The following SPRR2B variants were observed in gnomAD, a reference collection of about 807,000 sequenced individuals.
SPRR2B encodes the protein small proline rich protein 2B.
Under a neutral mutation model 1.0 loss-of-function variants are expected in SPRR2B, and 1 was observed. The ratio of observed to expected loss-of-function variants is 1.01; its 90% confidence interval spans 0.36 to 4.77. SPRR2B has a LOEUF of 4.77. Ranked by LOEUF, SPRR2B falls within the 30% of genes most tolerant of loss-of-function variation. The probability of loss-of-function intolerance (pLI) is 0.16; values close to 1 mark genes in which losing one functional copy is unlikely to be tolerated. For missense variants in SPRR2B, 53 were observed against 88.7 expected, an observed-to-expected ratio of 0.60 and a Z score of 1.62; for synonymous variants, 27 against 33.4, an observed-to-expected ratio of 0.81 and a Z score of 0.66.
At chr1:153,075,204 G>A (rs147765800), upstream of SPRR2B, among the ~76,000 whole-genome samples, 42 of 152,110 alleles carry the variant, frequency 2.8e-4, no homozygotes, top group East Asian at 6.2e-3. Context: ...TTAGCCAGGC[G>A]TGATTGCAGG....
intron 1 of SPRR2B, among the ~76,000 whole-genome samples, chr1:153,071,130 T>G (rs1269807953): frequency 8.0e-6 from 1 of 125,648 alleles, no homozygotes; most frequent in Non-Finnish European, 1.9e-5. Flanking sequence ...AATTAACATC[T>G]TCATGAAAGG....
At chr1:153,084,232 G>A in the SPRR2B span, among the ~76,000 whole-genome samples, 3 of 152,160 alleles carry the variant, frequency 2.0e-5, no homozygotes, top group African/African-American at 7.2e-5. Flanking sequence ...TTGCCAGCAT[G>A]TGAGTGCATG....
At chr1:153,081,518 C>G in the SPRR2B span, among the ~76,000 whole-genome samples, 3 of 152,178 alleles carry the variant, frequency 2.0e-5, no homozygotes, top group Non-Finnish European at 4.4e-5. Context: ...AGTTCACTGC[C>G]TGTAGAGTTT....
At chr1:153,073,034 C>T (rs1654703122), upstream of SPRR2B, among the ~76,000 whole-genome samples, 1 of 152,180 alleles carries the variant, frequency 6.6e-6, no homozygotes, top group Non-Finnish European at 1.5e-5. Context: ...CTTTGGAGCA[C>T]TCACCAGCTA....
chr1:153,085,413 A>G, the SPRR2B span, among the ~76,000 whole-genome samples: 1 of 149,786 alleles, frequency 6.7e-6, no homozygotes, highest in Admixed American at 6.6e-5. Context: ...TAACATCTGA[A>G]TAGACCAGGC....
At chr1:153,075,687 G>T (rs1328563293), upstream of SPRR2B, among the ~76,000 whole-genome samples, 2 of 152,166 alleles carry the variant, frequency 1.3e-5, no homozygotes, top group Non-Finnish European at 2.9e-5. Context: ...AGAGATAGGG[G>T]CAAAATATTG....
At chr1:153,081,208 T>TAA in the SPRR2B span, among the ~76,000 whole-genome samples, 45 of 152,274 alleles carry the variant, frequency 3.0e-4, no homozygotes, top group East Asian at 4.6e-3. Context: ...TCTTCATATC[T>TAA]AAGAAATCCT....
chr1:153,071,973 T>A (rs1035572799), upstream of SPRR2B, among the ~76,000 whole-genome samples: 9 of 152,186 alleles, frequency 5.9e-5, no homozygotes, highest in African/African-American at 2.2e-4. Flanking sequence ...CTCCACCCCT[T>A]CTTTCCTCGT....
the SPRR2B span, among the ~76,000 whole-genome samples, chr1:153,077,697 A>G: frequency 6.6e-6 from 1 of 151,962 alleles, no homozygotes; most frequent in African/African-American, 2.4e-5. Context: ...GTTCACTGCA[A>G]CCTCTGCCTC....
At chr1:153,080,286 A>C in the SPRR2B span, among the ~76,000 whole-genome samples, 3 of 152,196 alleles carry the variant, frequency 2.0e-5, no homozygotes, top group Admixed American at 1.3e-4. Context: ...AGTTTGAAAA[A>C]ATAGAGGGCT....
intron 1 of SPRR2B, among the ~76,000 whole-genome samples, 183 bp downstream of exon 1, chr1:153,071,386 T>C (rs1654662272): frequency 1.3e-5 from 2 of 151,640 alleles, no homozygotes; most frequent in Non-Finnish European, 2.9e-5. Context: ...CATATGAACA[T>C]ATAACTGTAT....
the SPRR2B span, among the ~76,000 whole-genome samples, chr1:153,078,492 T>A: frequency 1.3e-5 from 2 of 152,212 alleles, no homozygotes; most frequent in Non-Finnish European, 2.9e-5. Context: ...TAGGTATATC[T>A]CCAAATGCTA....
At chr1:153,077,825 G>C in the SPRR2B span, among the ~76,000 whole-genome samples, 2 of 152,158 alleles carry the variant, frequency 1.3e-5, no homozygotes, top group Admixed American at 1.3e-4. Flanking sequence ...ATGTTGGCGA[G>C]GCTGGATATG....
At chr1:153,082,528 A>G in the SPRR2B span, among the ~76,000 whole-genome samples, 3 of 152,204 alleles carry the variant, frequency 2.0e-5, no homozygotes, top group African/African-American at 7.2e-5. Flanking sequence ...AATCACAAGG[A>G]AATAAAACTA....
At chr1:153,080,870 A>G in the SPRR2B span, among the ~76,000 whole-genome samples, 1 of 152,202 alleles carries the variant, frequency 6.6e-6, no homozygotes, top group Non-Finnish European at 1.5e-5. Flanking sequence ...CATAACATCC[A>G]CTATCTGTGA....
the SPRR2B span, among the ~76,000 whole-genome samples, chr1:153,077,301 C>T: frequency 6.6e-6 from 1 of 152,066 alleles, no homozygotes; most frequent in Non-Finnish European, 1.5e-5. Context: ...GAAATCAAAA[C>T]TTGAGGCATT....
chr1:153,077,978 T>A, the SPRR2B span, among the ~76,000 whole-genome samples: 1 of 152,058 alleles, frequency 6.6e-6, no homozygotes, highest in East Asian at 1.9e-4. Flanking sequence ...ATAAAATCAT[T>A]TTACTACAAA....
upstream of SPRR2B, among the ~76,000 whole-genome samples, chr1:153,076,032 G>A (rs1331838870): frequency 3.3e-5 from 5 of 152,000 alleles, no homozygotes; most frequent in Non-Finnish European, 4.4e-5. Context: ...ATATTAACAT[G>A]TATAGATATA....
upstream of SPRR2B, among the ~76,000 whole-genome samples, chr1:153,074,325 A>G (rs149919190): frequency 3.7e-3 from 556 of 152,320 alleles, 7 homozygotes; most frequent in African/African-American, 0.013. Flanking sequence ...ACTAAACAAA[A>G]TAGTGCTGGC....
Sources: gnomAD v4.1 joint callset for allele counts (sites outside exome capture counted in the v4.1 genomes callset) on GRCh38, gnomAD v4.1.1 for gene constraint, MANE v1.5 for transcripts, NCBI Gene and HGNC (gene_info 2026-07-23, HGNC 2026-07-21) for gene names.